Variants in ASAP2 observed in about 807,000 individuals in gnomAD.
The protein encoded by ASAP2 is ArfGAP with SH3 domain, ankyrin repeat and PH domain 2, also known as arf-GAP with SH3 domain, ANK repeat and PH domain-containing protein 2.
ASAP2 carries 45 observed loss-of-function variants against 131.4 expected under a neutral mutation model. That is an observed-to-expected ratio of 0.34 (90% CI 0.27 to 0.44). ASAP2 has a LOEUF of 0.44. ASAP2 is among the 20% of genes least tolerant of loss of function. ASAP2 has a pLI of 1.00. For missense variants in ASAP2, 1,011 were observed against 1,297.0 expected, an observed-to-expected ratio of 0.78 and a Z score of 3.39; for synonymous variants, 510 against 503.0, an observed-to-expected ratio of 1.01 and a Z score of -0.19.
rs182034830 is a variant in ASAP2, at chr2:9,266,848, C to T, written c.127-12469C>T. On this transcript the variant is annotated intron_variant, in intron 1 of 27. Coordinates refer to ENST00000281419, the MANE Select transcript of ASAP2 (RefSeq NM_003887.3). ...GCGCCTGATGCTGGGGAGAAAAGCCCGAGGCCTGAGCTGGCCGACCTGCAT... is the reference window on the plus strand; with the variant it reads ...GCGCCTGATGCTGGGGAGAAAAGCCTGAGGCCTGAGCTGGCCGACCTGCAT... Among the ~76,000 whole-genome samples the T allele has an allele frequency of 2.5e-3, 385 of 152,282 alleles. 1 individual carries two copies. Among genetic ancestry groups the T allele is most frequent in the African/African-American group, 8.3e-3 (345 of 41,542 alleles).
rs150537290 is a variant in ASAP2 at position 9,257,623 on chromosome 2, A to C, written c.127-21694A>C. On this transcript the variant is annotated intron_variant, in intron 1 of 27. Transcript: ENST00000281419. ...AACCTTCGTTTCCCAGGTTCAAGCTATTCTCCTGCCTCAGCCTCCCGAGTA... is the reference window on the plus strand; with the variant it reads ...AACCTTCGTTTCCCAGGTTCAAGCTCTTCTCCTGCCTCAGCCTCCCGAGTA... Among the ~76,000 whole-genome samples, 43 of 152,262 alleles carry C rather than the reference A, an allele frequency of 2.8e-4. 1 individual carries two copies. The East Asian group carries it at 8.3e-3, about 29-fold the overall frequency.
intron 12 of ASAP2, among the ~76,000 whole-genome samples, chr2:9,352,212 AACACACACACACACACAC>A (rs58275721): frequency 2.7e-5 from 4 of 149,966 alleles, no homozygotes; most frequent in Non-Finnish European, 4.4e-5. Context: ...AACACACACA[AACACACACACACACACAC>A]ACACACACAC....
chr2:9,207,296 C>T lies in ASAP2; in HGVS notation c.126+66C>T, dbSNP rs569040899. The T allele has an allele frequency of 1.4e-4, 208 of 1,455,716 alleles. No individual in the cohort carries two copies. The African/African-American group carries it at 2.3e-3, about 16-fold the overall frequency. The allele number at this position is 1,455,716 out of a possible 1,614,324, so 90.2% of individuals were successfully genotyped here. A position where few individuals can be genotyped will look rare whatever the true frequency, so the allele number is the denominator to read the frequency against. On this transcript the variant is annotated intron_variant, in intron 1 of 27. Coordinates refer to ENST00000281419, the MANE Select transcript of ASAP2 (RefSeq NM_003887.3). The surrounding 1 kb of genome is among the most constrained non-coding windows in gnomAD (Gnocchi z 4.1). ...GCGCCCCAGCCCCGCCCGCCGCTCCCGCATCCGCATCCCGAGAAAACTTTC... is the reference window on the plus strand; with the variant it reads ...GCGCCCCAGCCCCGCCCGCCGCTCCTGCATCCGCATCCCGAGAAAACTTTC...
At chr2:9,255,019 T>C (rs1665059197) in intron 1 of ASAP2, among the ~76,000 whole-genome samples, 1 of 152,266 alleles carries the variant, frequency 6.6e-6, no homozygotes, top group Admixed American at 6.5e-5. Flanking sequence ...TTTTCCAAAG[T>C]GGCTGCATCA....
intron 1 of ASAP2, among the ~76,000 whole-genome samples, chr2:9,216,282 ATTTTTT>A (rs113751391): frequency 5.7e-5 from 7 of 123,758 alleles, no homozygotes; most frequent in Non-Finnish European, 8.6e-5. Flanking sequence ...GTCAGTTCAT[ATTTTTT>A]TTTTTTTTTT....
rs1278122593 is a variant in ASAP2, at chr2:9,401,407, G to C, written c.2946+11G>C. 4 of 1,612,626 alleles carry C rather than the reference G, an allele frequency of 2.5e-6. No individual in the cohort carries two copies. The highest frequency in any genetic ancestry group is 1.1e-5 in the South Asian group (1 of 90,944). ...GACCAGGAGTGGTGGGTGAGTCAAGGGTGGGCCTGGGAGGTTCCTGGGGGC... is the reference window on the plus strand; with the variant it reads ...GACCAGGAGTGGTGGGTGAGTCAAGCGTGGGCCTGGGAGGTTCCTGGGGGC... On this transcript the variant is annotated intron_variant, in intron 27 of 27. Coordinates refer to ENST00000281419, the MANE Select transcript of ASAP2 (RefSeq NM_003887.3).
intron 2 of ASAP2, among the ~76,000 whole-genome samples, chr2:9,283,342 A>G (rs1474643986): frequency 3.3e-5 from 5 of 152,110 alleles, no homozygotes; most frequent in Non-Finnish European, 5.9e-5. Flanking sequence ...CCTCCCTGTA[A>G]TAGTTTCTTA....
Position 9,374,818 on chromosome 2 carries a change from C to G in ASAP2, c.1620C>G (p.His540Gln), listed in dbSNP as rs752915609. 3 of 1,613,888 alleles carry G rather than the reference C, an allele frequency of 1.9e-6. No individual in the cohort carries two copies. In the Admixed American group the frequency reaches 5.0e-5, roughly 27 times the overall value. Residue 540 changes from histidine (H) to glutamine (Q), a missense_variant, in exon 17 of 28, where the codon CAC (histidine) becomes CAG (glutamine). Coordinates refer to ENST00000281419, the MANE Select transcript of ASAP2 (RefSeq NM_003887.3). ...AGAGGAGATACGCAAGGAAGAAGCACGCGGATAACGCGGCGAAGCTTCACA... is the reference window on the plus strand; with the variant it reads ...AGAGGAGATACGCAAGGAAGAAGCAGGCGGATAACGCGGCGAAGCTTCACA... ...YIERRYARKK[H>Q]ADNAAKLHSL...
intron 1 of ASAP2, among the ~76,000 whole-genome samples, chr2:9,279,053 G>C (rs1200913684): frequency 6.6e-6 from 1 of 150,382 alleles, no homozygotes; most frequent in Admixed American, 6.7e-5. Flanking sequence ...GAGACAGCTT[G>C]CATGCTGCAG....
At chr2:9,383,101 G>A (rs565094404) in intron 20 of ASAP2, among the ~76,000 whole-genome samples, 1 of 151,932 alleles carries the variant, frequency 6.6e-6, no homozygotes, top group East Asian at 1.9e-4. Context: ...ATATCATCTC[G>A]GGGGGGCCAC....
chr2:9,387,062 C>T (rs1278288113), intron 21 of ASAP2, among the ~76,000 whole-genome samples: 3 of 131,824 alleles, frequency 2.3e-5, no homozygotes, highest in Non-Finnish European at 4.6e-5. Flanking sequence ...AAAAATTAGC[C>T]GGGCTTGGTG....
At chr2:9,313,951 G>T (rs532039577) in intron 3 of ASAP2, among the ~76,000 whole-genome samples, 1 of 152,210 alleles carries the variant, frequency 6.6e-6, no homozygotes, top group South Asian at 2.1e-4. Context: ...CTCTGAAAGG[G>T]CAGGCATCGT....
chr2:9,372,319 C>A (rs11695558), intron 16 of ASAP2, among the ~76,000 whole-genome samples: 5,953 of 152,182 alleles, frequency 0.039, 338 homozygotes, highest in African/African-American at 0.11. Context: ...AGAGGAGAAC[C>A]TGCAGGAATA....
At chr2:9,357,602 A>G (rs1015613971) in intron 14 of ASAP2, among the ~76,000 whole-genome samples, 1 of 152,188 alleles carries the variant, frequency 6.6e-6, no homozygotes, top group African/African-American at 2.4e-5. Context: ...GGTGTTTCAT[A>G]CGCTTTGATA....
intron 3 of ASAP2, among the ~76,000 whole-genome samples, chr2:9,300,550 A>G (rs1432381475): frequency 6.6e-6 from 1 of 152,230 alleles, no homozygotes; most frequent in Non-Finnish European, 1.5e-5. Context: ...CAGAGAGTAA[A>G]GGTATCAATA....
At chr2:9,357,157 T>C (rs1362474879) in intron 14 of ASAP2, among the ~76,000 whole-genome samples, 2 of 150,104 alleles carry the variant, frequency 1.3e-5, no homozygotes, top group Non-Finnish European at 2.9e-5. Context: ...CTGAAGACTG[T>C]ATTTGGCCTT....
chr2:9,326,430 A>G (rs1325515506), intron 6 of ASAP2, among the ~76,000 whole-genome samples: 2 of 152,160 alleles, frequency 1.3e-5, no homozygotes, highest in Non-Finnish European at 2.9e-5. Context: ...GAAATTCAGT[A>G]TGTCAAATAG....
At chr2:9,286,447 A>AAAAATATATATATATATATATAT (rs58605449) in intron 2 of ASAP2, among the ~76,000 whole-genome samples, 14 of 148,486 alleles carry the variant, frequency 9.4e-5, no homozygotes, top group African/African-American at 3.3e-4. Context: ...GAAAAAAAAA[A>AAAAATATATATATATATATATAT]ATATATATAT....
intron 1 of ASAP2, among the ~76,000 whole-genome samples, chr2:9,220,781 G>T (rs1462702994): frequency 6.6e-6 from 1 of 152,052 alleles, no homozygotes; most frequent in Non-Finnish European, 1.5e-5. Context: ...CTGTTTTATA[G>T]TTTCAGTTCT....
Sources: gnomAD v4.1 joint callset for allele counts (sites outside exome capture counted in the v4.1 genomes callset) on GRCh38, gnomAD v4.1.1 for gene constraint, Gnocchi (gnomAD v3.1) non-coding constraint, MANE v1.5 for transcripts, NCBI Gene and HGNC (gene_info 2026-07-23, HGNC 2026-07-21) for gene names.